The following CD99L2 variants were observed in gnomAD, a reference collection of about 807,000 sequenced individuals.
CD99L2 encodes the protein CD99 molecule like 2.
In CD99L2, 24 loss-of-function variants were observed where a neutral mutation model predicts 27.3. The observed-to-expected ratio is 0.88, with a 90% CI of 0.64 to 1.24. The LOEUF (loss-of-function observed/expected upper bound fraction) is 1.24, where lower values mean the gene tolerates loss of function less well. Among genes scored for constraint, CD99L2 ranks in the 50% most tolerant of loss-of-function variants. CD99L2 has a pLI of 0.00. For synonymous variants in CD99L2, 97 were observed against 87.9 expected (o/e 1.10, Z -0.58); for missense variants, 255 against 221.6 (o/e 1.15, Z -0.96).
Position 150,793,710 on chromosome X carries a change from G to A in CD99L2, c.477C>T (p.Tyr159=), listed in dbSNP as rs2045735819. 1 of 1,198,706 alleles carries A rather than the reference G, an allele frequency of 8.3e-7. No homozygotes were observed. Among genetic ancestry groups the A allele is most frequent in the Non-Finnish European group, 1.1e-6 (1 of 889,553 alleles). Residue 159 remains tyrosine, a synonymous_variant, in exon 7 of 11, where the codon TAC becomes TAT. Coordinates refer to ENST00000370377, the MANE Select transcript of CD99L2 (RefSeq NM_031462.4). ...DLEDIVGGGE[Y]KPDKGKGDGR... ...TCCTACCTTTACCCTTGTCAGGTTT[G>A]TATTCTCCACCCCCTACTATGTCTT...
At chrX:150,811,973 C>A (rs942997427) in intron 4 of CD99L2, among the ~76,000 whole-genome samples, 1 of 111,484 alleles carries the variant, frequency 9.0e-6, no homozygotes. Flanking sequence ...CCAGCCTAGG[C>A]AACATAGTGA....
At chrX:150,820,964 A>G (rs1362445771) in intron 2 of CD99L2, among the ~76,000 whole-genome samples, 1 of 112,295 alleles carries the variant, frequency 8.9e-6, no homozygotes, top group African/African-American at 3.2e-5. Flanking sequence ...AATTTAACCA[A>G]GGAAGTATAA....
At chrX:150,813,057 A>T (rs987293478) in intron 4 of CD99L2, among the ~76,000 whole-genome samples, 1 of 111,376 alleles carries the variant, frequency 9.0e-6, no homozygotes, top group African/African-American at 3.3e-5. Context: ...AGTGGTTGCC[A>T]GGGGTTAGGA....
chrX:150,800,620 G>A (rs782774007), intron 4 of CD99L2, among the ~76,000 whole-genome samples: 2 of 110,938 alleles, frequency 1.8e-5, no homozygotes, highest in Non-Finnish European at 3.8e-5. Flanking sequence ...ATTTGCAGGG[G>A]GTCCCAGAAC....
intron 1 of CD99L2, among the ~76,000 whole-genome samples, chrX:150,894,417 G>A (rs1167521174): frequency 1.8e-5 from 2 of 111,956 alleles, no homozygotes; most frequent in Admixed American, 1.9e-4. Context: ...CCGTAGCACC[G>A]AGCAGTTAGG....
chrX:150,873,467 A>T (rs1017922139), intron 1 of CD99L2, among the ~76,000 whole-genome samples: 2 of 112,254 alleles, frequency 1.8e-5, no homozygotes, highest in East Asian at 5.6e-4. Flanking sequence ...TGCAGTGATG[A>T]AAGTGTTTCA....
chrX:150,771,568 G>A (rs1424630505), intron 9 of CD99L2, among the ~76,000 whole-genome samples: 7 of 111,278 alleles, frequency 6.3e-5, no homozygotes, highest in African/African-American at 2.3e-4. Context: ...TCCTCACCAT[G>A]GCACCTCAAC....
chrX:150,797,558 G>A (rs2045816691), intron 4 of CD99L2, among the ~76,000 whole-genome samples: 1 of 112,436 alleles, frequency 8.9e-6, no homozygotes, highest in African/African-American at 3.2e-5. Context: ...GACATTTGTT[G>A]CAGAAATAGA....
chrX:150,797,459 G>C (rs782347995), intron 4 of CD99L2, among the ~76,000 whole-genome samples: 4 of 112,036 alleles, frequency 3.6e-5, no homozygotes, highest in Non-Finnish European at 5.6e-5. Flanking sequence ...CTGTGTTCAT[G>C]GATTAGAAGA....
At chrX:150,839,223 G>A (rs1471582763) in intron 1 of CD99L2, among the ~76,000 whole-genome samples, 2 of 111,703 alleles carry the variant, frequency 1.8e-5, no homozygotes, top group African/African-American at 3.3e-5. Context: ...AAATTCTAAG[G>A]TAGACTTTTG....
chrX:150,866,861 T>C (rs782442321), intron 1 of CD99L2, among the ~76,000 whole-genome samples: 9 of 111,514 alleles, frequency 8.1e-5, no homozygotes, highest in African/African-American at 2.9e-4. Flanking sequence ...ATACAGGTTT[T>C]TGAACAGGGG....
At chrX:150,791,865 G>GA (rs1316815406) in intron 7 of CD99L2, among the ~76,000 whole-genome samples, 3 of 110,762 alleles carry the variant, frequency 2.7e-5, no homozygotes, top group Non-Finnish European at 5.7e-5. Flanking sequence ...GTCTTCCTGA[G>GA]AAAAAAAATC....
At chrX:150,810,422 A>C (rs1828180754) in intron 4 of CD99L2, among the ~76,000 whole-genome samples, 1 of 111,715 alleles carries the variant, frequency 9.0e-6, no homozygotes, top group Admixed American at 9.6e-5. Context: ...CAATCCACAA[A>C]AACTTATGAG....
chrX:150,772,216 G>A (rs782785948), intron 9 of CD99L2, among the ~76,000 whole-genome samples: 83 of 112,818 alleles, frequency 7.4e-4, no homozygotes, highest in East Asian at 2.8e-4. Flanking sequence ...TGATGTACAC[G>A]CAGCCCCGCC....
chrX:150,829,268 G>A, intron 2 of CD99L2: 1 of 254,054 alleles, frequency 3.9e-6, no homozygotes. Context: ...CTCTGCAGAT[G>A]TAATTAAGTG....
At chrX:150,778,484 G>A (rs2045444789) in intron 7 of CD99L2, among the ~76,000 whole-genome samples, 1 of 102,726 alleles carries the variant, frequency 9.7e-6, no homozygotes, top group Non-Finnish European at 2.0e-5. Context: ...TTGATAGTTG[G>A]GGAGGCTGTG....
intron 1 of CD99L2, among the ~76,000 whole-genome samples, chrX:150,838,917 A>AAAAGG (rs2046577043): frequency 3.1e-5 from 2 of 63,747 alleles, no homozygotes; most frequent in Non-Finnish European, 2.8e-5. Flanking sequence ...AAAAAAAAAA[A>AAAAGG]TGGGGGGGGG....
chrX:150,775,867 C>A, intron 9 of CD99L2, among the ~76,000 whole-genome samples: 1 of 112,254 alleles, frequency 8.9e-6, no homozygotes, highest in Non-Finnish European at 1.9e-5. Flanking sequence ...TCCCATTCTA[C>A]GTGAAGGAAA....
intron 1 of CD99L2, among the ~76,000 whole-genome samples, chrX:150,875,339 G>A (rs1385922712): frequency 8.0e-5 from 9 of 111,835 alleles, no homozygotes; most frequent in East Asian, 2.8e-4. Flanking sequence ...ACCACACATC[G>A]TATTCAGAAT....
Sources: gnomAD v4.1 joint callset for allele counts (sites outside exome capture counted in the v4.1 genomes callset) on GRCh38, gnomAD v4.1.1 for gene constraint, MANE v1.5 for transcripts, NCBI Gene and HGNC (gene_info 2026-07-23, HGNC 2026-07-21) for gene names.